The following HIBADH variants were observed in gnomAD, a reference collection of about 807,000 sequenced individuals.
The protein encoded by HIBADH is 3-hydroxyisobutyrate dehydrogenase, also known as 3-hydroxyisobutyrate dehydrogenase, mitochondrial.
In HIBADH, 25 loss-of-function variants were observed where a neutral mutation model predicts 36.1. That is an observed-to-expected ratio of 0.69 (90% CI 0.50 to 0.97). The LOEUF (loss-of-function observed/expected upper bound fraction) is 0.97. Ranked by LOEUF, HIBADH falls within the 50% of genes least tolerant of loss-of-function variation. HIBADH has a pLI of 0.00. For missense variants in HIBADH, 421 were observed against 418.0 expected (o/e 1.01, Z -0.06); for synonymous variants, 160 against 149.5 (o/e 1.07, Z -0.51).
intron 4 of HIBADH, among the ~76,000 whole-genome samples, chr7:27,583,228 T>C (rs970451657): frequency 2.0e-5 from 3 of 152,106 alleles, no homozygotes; most frequent in East Asian, 3.9e-4. Flanking sequence ...ACCGCTATTA[T>C]ACAGAATTTT....
intron 4 of HIBADH, among the ~76,000 whole-genome samples, chr7:27,617,318 C>T (rs1371509004): frequency 6.6e-6 from 1 of 152,108 alleles, no homozygotes; most frequent in East Asian, 1.9e-4. Context: ...GGCAATATAG[C>T]CTAGATTCAG....
chr7:27,557,684 A>G (rs1204890091), intron 4 of HIBADH, among the ~76,000 whole-genome samples: 1 of 152,134 alleles, frequency 6.6e-6, no homozygotes, highest in African/African-American at 2.4e-5. Context: ...GGCAAGCAGA[A>G]CAAAATCCCT....
intron 2 of HIBADH, among the ~76,000 whole-genome samples, chr7:27,646,270 C>T (rs1786069241): frequency 6.6e-6 from 1 of 152,200 alleles, no homozygotes; most frequent in Non-Finnish European, 1.5e-5. Flanking sequence ...AATAGGTTAA[C>T]AGGTAGCTAC....
At chr7:27,570,853 A>T (rs186368658) in intron 4 of HIBADH, among the ~76,000 whole-genome samples, 14 of 152,100 alleles carry the variant, frequency 9.2e-5, no homozygotes, top group South Asian at 2.1e-4. Context: ...TTTCTTTTTT[A>T]AAAAAATTTA....
At chr7:27,599,646 C>A (rs756560311) in intron 4 of HIBADH, among the ~76,000 whole-genome samples, 1 of 131,074 alleles carries the variant, frequency 7.6e-6, no homozygotes, top group East Asian at 2.2e-4. Context: ...GGCGCCACTG[C>A]ACTCCAGCCT....
chr7:27,567,430 CTGATAA>C (rs1302384873), intron 4 of HIBADH, among the ~76,000 whole-genome samples: 1 of 152,126 alleles, frequency 6.6e-6, no homozygotes, highest in Non-Finnish European at 1.5e-5. Flanking sequence ...TAAATCCAAT[CTGATAA>C]TATCGTGCCT....
In HIBADH at chr7:27,527,917, CGTTTTTTTTT is replaced by C. The variant is rs757924144; in HGVS notation, c.853-1555_853-1546del. ...AGGCATTTGCCACCACCACACCCAG[CGTTTTTTTTT>C]TTTTTTTTTTTTTTTAGTAGAGACA... On this transcript the variant is annotated intron_variant, in intron 7 of 7. Coordinates refer to ENST00000265395, the MANE Select transcript of HIBADH (RefSeq NM_152740.4). Among the ~76,000 whole-genome samples, 7 of 77,038 alleles carry C rather than the reference CGTTTTTTTTT, an allele frequency of 9.1e-5. 1 individual carries two copies. The highest frequency in any genetic ancestry group is 7.6e-3 in the Middle Eastern group (1 of 132). The allele number at this position is 77,038 out of a possible 152,430, so 50.5% of individuals were successfully genotyped here.
At chr7:27,549,833 T>C (rs749631082) in intron 4 of HIBADH, among the ~76,000 whole-genome samples, 2 of 152,204 alleles carry the variant, frequency 1.3e-5, no homozygotes, top group Non-Finnish European at 2.9e-5. Context: ...GAAAACAGGC[T>C]CAAGGCTTAA....
intron 4 of HIBADH, among the ~76,000 whole-genome samples, chr7:27,582,439 A>C (rs968062602): frequency 7.2e-5 from 11 of 152,174 alleles, no homozygotes; most frequent in African/African-American, 2.7e-4. Flanking sequence ...CAAAACTCAC[A>C]TGACTCCAAG....
At chr7:27,557,432 T>C (rs752837827) in intron 4 of HIBADH, among the ~76,000 whole-genome samples, 1 of 152,226 alleles carries the variant, frequency 6.6e-6, no homozygotes, top group African/African-American at 2.4e-5. Context: ...AACTATATTA[T>C]ATAGTTACAT....
chr7:27,615,242 G>A (rs899489132), intron 4 of HIBADH, among the ~76,000 whole-genome samples: 1 of 152,108 alleles, frequency 6.6e-6, no homozygotes, highest in Non-Finnish European at 1.5e-5. Context: ...ACCAAGGAAC[G>A]AGACTGAAGG....
intron 4 of HIBADH, among the ~76,000 whole-genome samples, chr7:27,607,042 G>C (rs1254467264): frequency 2.6e-5 from 4 of 152,050 alleles, no homozygotes; most frequent in African/African-American, 9.7e-5. Context: ...TTTCCTATTA[G>C]CTTGAAATAT....
intron 2 of HIBADH, among the ~76,000 whole-genome samples, chr7:27,645,621 A>T (rs1786055198): frequency 6.6e-6 from 1 of 151,904 alleles, no homozygotes; most frequent in Non-Finnish European, 1.5e-5. Flanking sequence ...ACCTCAAGTG[A>T]TCCACCTGCC....
intron 4 of HIBADH, among the ~76,000 whole-genome samples, chr7:27,592,263 T>A (rs1174882832): frequency 6.6e-6 from 1 of 152,232 alleles, no homozygotes; most frequent in African/African-American, 2.4e-5. Flanking sequence ...TACATTATGA[T>A]GATCTTGAGG....
Position 27,645,364 on chromosome 7 carries a change from T to TTTG in HIBADH, c.252+4106_252+4108dup, listed in dbSNP as rs1277871873. Among the ~76,000 whole-genome samples the TTTG allele has an allele frequency of 5.9e-5, 7 of 118,404 alleles. No individual in the cohort carries two copies. In the East Asian group the frequency reaches 9.1e-4, roughly 15 times the overall value. 77.7% of individuals were successfully genotyped at this position (118,404 alleles called of 152,430 possible). ...GATTCTAGTGGGTGTGTCTCATGGT[T>TTTG]TTGATTTTTTTTTTTTTTTTTTTTT... On this transcript the variant is annotated intron_variant, in intron 2 of 7. Coordinates refer to ENST00000265395, the MANE Select transcript of HIBADH (RefSeq NM_152740.4).
intron 2 of HIBADH, among the ~76,000 whole-genome samples, chr7:27,643,182 G>C (rs575637594): frequency 3.9e-5 from 6 of 152,166 alleles, no homozygotes; most frequent in Non-Finnish European, 8.8e-5. Context: ...GAAAGTTCTC[G>C]AGAAACATCT....
chr7:27,621,618 C>G (rs899912428), intron 4 of HIBADH, among the ~76,000 whole-genome samples: 1 of 151,854 alleles, frequency 6.6e-6, no homozygotes, highest in African/African-American at 2.4e-5. Flanking sequence ...ACAGTGAAAC[C>G]CCGTCTTTAC....
At chr7:27,575,668 G>T (rs931897197) in intron 4 of HIBADH, among the ~76,000 whole-genome samples, 1 of 152,196 alleles carries the variant, frequency 6.6e-6, no homozygotes, top group Admixed American at 6.5e-5. Context: ...GGTGTGATGT[G>T]CCTGCTTTCT....
intron 4 of HIBADH, among the ~76,000 whole-genome samples, chr7:27,618,942 A>C (rs1052790712): frequency 6.6e-6 from 1 of 152,206 alleles, no homozygotes; most frequent in South Asian, 2.1e-4. Context: ...TTAAACTTTC[A>C]TAAGAAATCT....
Sources: allele counts gnomAD v4.1 joint callset (sites outside exome capture counted in the v4.1 genomes callset), GRCh38; gene constraint gnomAD v4.1.1; transcripts MANE v1.5; gene names NCBI Gene and HGNC (gene_info 2026-07-23, HGNC 2026-07-21).